Variants in MID1 observed in about 807,000 individuals in gnomAD.
MID1 encodes the protein midline 1, also known as E3 ubiquitin-protein ligase Midline-1.
MID1 carries 7 observed loss-of-function variants against 40.4 expected under a neutral mutation model. The ratio of observed to expected loss-of-function variants is 0.17; its 90% CI spans 0.10 to 0.33. The LOEUF (loss-of-function observed/expected upper bound fraction) is 0.33, where lower values mean the gene tolerates loss of function less well. MID1 is among the 10% of genes least tolerant of loss of function. MID1 has a pLI of 1.00. For synonymous variants in MID1, 229 were observed against 221.2 expected, an observed-to-expected ratio of 1.04 and a Z score of -0.31; for missense variants, 367 against 558.5, an observed-to-expected ratio of 0.66 and a Z score of 3.46.
At chrX:10,693,269 A>G (rs765505686) in intron 1 of MID1, among the ~76,000 whole-genome samples, 1 of 101,024 alleles carries the variant, frequency 9.9e-6, no homozygotes, top group Non-Finnish European at 2.0e-5. Flanking sequence ...ATCATGGCTC[A>G]CTGCAGCCTC....
At chrX:10,480,875 A>G (rs191189707) in intron 5 of MID1, among the ~76,000 whole-genome samples, 2 of 112,566 alleles carry the variant, frequency 1.8e-5, no homozygotes, top group Non-Finnish European at 3.7e-5. Context: ...TTACTCTTTA[A>G]GAAGAGTGAA....
intron 1 of MID1, among the ~76,000 whole-genome samples, chrX:10,606,728 T>C (rs1935631727): frequency 9.3e-6 from 1 of 107,964 alleles, no homozygotes; most frequent in Non-Finnish European, 1.9e-5. Flanking sequence ...TGTGTTCAAT[T>C]TGTGTTTTAT....
At chrX:10,745,277 T>C (rs944725195) in intron 1 of MID1, among the ~76,000 whole-genome samples, 9 of 112,343 alleles carry the variant, frequency 8.0e-5, no homozygotes, top group African/African-American at 2.9e-4. Context: ...GGAAGAATCA[T>C]TCTTCCTCTC....
intron 2 of MID1, among the ~76,000 whole-genome samples, chrX:10,559,301 T>C (rs990633450): frequency 8.9e-6 from 1 of 112,216 alleles, no homozygotes; most frequent in Non-Finnish European, 1.9e-5. Flanking sequence ...CATATCTATA[T>C]TGCAGACTAA....
intron 3 of MID1, among the ~76,000 whole-genome samples, chrX:10,504,501 T>G (rs7050428): frequency 0.07 from 7,772 of 111,752 alleles, 559 homozygotes; most frequent in African/African-American, 0.21. Flanking sequence ...TGTCCATAGA[T>G]AATTAAAACT....
At chrX:10,625,405 C>G (rs377084271), upstream of MID1, among the ~76,000 whole-genome samples, 7 of 112,587 alleles carry the variant, frequency 6.2e-5, no homozygotes, top group East Asian at 1.9e-3. Flanking sequence ...TACAGCCTAG[C>G]CAAGTTAACA....
At chrX:10,597,463 C>T (rs1261961496) in intron 1 of MID1, among the ~76,000 whole-genome samples, 1 of 111,578 alleles carries the variant, frequency 9.0e-6, no homozygotes, top group African/African-American at 3.3e-5. Flanking sequence ...AGCAATTTTT[C>T]CCCATTATAA....
chrX:10,766,181 T>G (rs1233089266), intron 1 of MID1, among the ~76,000 whole-genome samples: 2 of 111,864 alleles, frequency 1.8e-5, no homozygotes, highest in East Asian at 5.7e-4. Flanking sequence ...CCATCGGCTC[T>G]GCCTCTGTCT....
intron 1 of MID1, among the ~76,000 whole-genome samples, chrX:10,684,058 C>A (rs1160736988): frequency 9.0e-6 from 1 of 110,551 alleles, no homozygotes; most frequent in Admixed American, 9.7e-5. Context: ...GCATGAGCCA[C>A]CGTGCCTGGC....
At chrX:10,830,153 G>C (rs988731532) in intron 1 of MID1, among the ~76,000 whole-genome samples, 2 of 112,260 alleles carry the variant, frequency 1.8e-5, no homozygotes, top group African/African-American at 6.5e-5. Context: ...GAGATCATCT[G>C]GTCAGTGAAA....
chrX:10,519,587 A>G (rs768983410), intron 3 of MID1, among the ~76,000 whole-genome samples: 1 of 111,864 alleles, frequency 8.9e-6, no homozygotes, highest in Non-Finnish European at 1.9e-5. Context: ...AAGAGGGTCT[A>G]CTAAGTGAAC....
chrX:10,500,431 A>C (rs1189611877), intron 3 of MID1, among the ~76,000 whole-genome samples: 9 of 112,327 alleles, frequency 8.0e-5, no homozygotes, highest in African/African-American at 2.9e-4. Flanking sequence ...AAACCAGGGA[A>C]GTTGAATCTT....
intron 1 of MID1, among the ~76,000 whole-genome samples, chrX:10,721,713 T>C (rs2043356115): frequency 3.5e-5 from 3 of 85,862 alleles, no homozygotes; most frequent in Non-Finnish European, 7.5e-5. Flanking sequence ...AAAAGGGATT[T>C]AAATCTAAAA....
At chrX:10,718,373 T>C (rs1407792769) in intron 1 of MID1, among the ~76,000 whole-genome samples, 1 of 111,671 alleles carries the variant, frequency 9.0e-6, no homozygotes, top group South Asian at 3.7e-4. Flanking sequence ...ATATCACCAC[T>C]GATCCCACAG....
At chrX:10,578,475 CA>C in intron 1 of MID1, among the ~76,000 whole-genome samples, 1 of 111,846 alleles carries the variant, frequency 8.9e-6, no homozygotes, top group South Asian at 3.7e-4. Context: ...TGATAAACAA[CA>C]AAAAAAATTA....
At chrX:10,481,883 T>C (rs1385680874) in intron 5 of MID1, among the ~76,000 whole-genome samples, 1 of 112,377 alleles carries the variant, frequency 8.9e-6, no homozygotes, top group Non-Finnish European at 1.9e-5. Flanking sequence ...ACCATTCAGA[T>C]AACATCACAT....
At chrX:10,682,800 C>T (rs1569145937) in intron 1 of MID1, among the ~76,000 whole-genome samples, 1 of 111,792 alleles carries the variant, frequency 8.9e-6, no homozygotes, top group East Asian at 2.8e-4. Flanking sequence ...AAATTGCTAA[C>T]TTCTCGTATA....
rs955022451 is a variant in MID1, at chrX:10,588,319, A to T, written c.-56-20716T>A. On this transcript the variant is annotated intron_variant, in intron 1 of 9. Transcript: ENST00000317552. Reference sequence around the variant, plus strand: ...TAAATTATACAACATTTTTTGCATAATTTTTTTTTTCCCGTTAGCAAAGCA... The same window carrying T: ...TAAATTATACAACATTTTTTGCATATTTTTTTTTTTCCCGTTAGCAAAGCA... 8.1e-4 allele frequency among the ~76,000 whole-genome samples: 88 copies of T among 108,881 alleles called. 2 individuals are homozygous for T. The highest frequency in any genetic ancestry group is 3.8e-5 in the Non-Finnish European group (2 of 52,202). The allele number at this position is 108,881 out of a possible 115,157, so 94.6% of individuals were successfully genotyped here.
At chrX:10,518,302 G>C (rs1443148422) in intron 3 of MID1, among the ~76,000 whole-genome samples, 1 of 111,958 alleles carries the variant, frequency 8.9e-6, no homozygotes, top group Non-Finnish European at 1.9e-5. Flanking sequence ...AACAGAGTCT[G>C]ACTTTCTATT....
Sources: allele counts gnomAD v4.1 joint callset (sites outside exome capture counted in the v4.1 genomes callset), GRCh38; gene constraint gnomAD v4.1.1; transcripts MANE v1.5; gene names NCBI Gene and HGNC (gene_info 2026-07-23, HGNC 2026-07-21).